The following CHN2 variants were observed in gnomAD, a reference collection of about 807,000 sequenced individuals.
CHN2 encodes the protein chimerin 2.
In CHN2, 35 loss-of-function variants were observed where a neutral mutation model predicts 56.3. The observed-to-expected ratio is 0.62, with a 90% CI of 0.47 to 0.82. The LOEUF is 0.82. Among genes scored for constraint, CHN2 ranks in the 40% least tolerant of loss-of-function variants. The pLI is 0.00. For missense variants in CHN2, 491 were observed against 580.5 expected (o/e 0.85, Z 1.58); for synonymous variants, 210 against 212.8 (o/e 0.99, Z 0.12).
Position 29,367,995 on chromosome 7 carries a change from C to T in CHN2, c.144+8C>T, listed in dbSNP as rs1423038960. 1.2e-6 allele frequency: 2 copies of T among 1,607,788 alleles called. No individual in the cohort carries two copies. The highest frequency in any genetic ancestry group is 3.4e-5 in the Admixed American group (2 of 58,964). Reference sequence around the variant, plus strand: ...ATCATTTGTCCTCGGGAGGTCAGTGCTCAGCTATTTCCAATACACCTTGTT... The same window carrying T: ...ATCATTTGTCCTCGGGAGGTCAGTGTTCAGCTATTTCCAATACACCTTGTT... On this transcript the variant is annotated splice_region_variant and intron_variant, in intron 3 of 12. Transcript: ENST00000222792.
chr7:29,390,525 C>T (rs1295753832), intron 3 of CHN2, among the ~76,000 whole-genome samples: 1 of 152,102 alleles, frequency 6.6e-6, no homozygotes, highest in East Asian at 1.9e-4. Context: ...CATGTGACTG[C>T]CTAAATTTTT....
intron 6 of CHN2, among the ~76,000 whole-genome samples, chr7:29,443,609 T>C (rs556560246): frequency 3.9e-5 from 6 of 152,346 alleles, no homozygotes; most frequent in Non-Finnish European, 8.8e-5. Flanking sequence ...GTGCCTTACA[T>C]GGCAATAAAG....
At chr7:29,498,416 AT>A (rs1379237652) in intron 8 of CHN2, among the ~76,000 whole-genome samples, 1 of 152,208 alleles carries the variant, frequency 6.6e-6, no homozygotes, top group East Asian at 1.9e-4. Flanking sequence ...GCTTTGTTGA[AT>A]TTCTCATGTT....
intron 1 of CHN2, among the ~76,000 whole-genome samples, chr7:29,280,200 A>G (rs1791574763): frequency 1.3e-5 from 2 of 152,076 alleles, no homozygotes; most frequent in Admixed American, 6.5e-5. Context: ...CCTGGCCAAC[A>G]TGGCGAAACC....
intron 6 of CHN2, among the ~76,000 whole-genome samples, chr7:29,476,964 G>A (rs998107805): frequency 2.3e-4 from 35 of 152,056 alleles, no homozygotes; most frequent in Non-Finnish European, 2.2e-4. Flanking sequence ...AGAAGAAGAC[G>A]GTCAGCAAAT....
At chr7:29,320,277 C>T (rs1436230671) in intron 1 of CHN2, among the ~76,000 whole-genome samples, 3 of 152,142 alleles carry the variant, frequency 2.0e-5, no homozygotes, top group African/African-American at 7.2e-5. Context: ...AATTGGGTCC[C>T]AGAGCCACCA....
intron 1 of CHN2, among the ~76,000 whole-genome samples, chr7:29,219,695 C>T (rs1785618807): frequency 6.6e-6 from 1 of 152,018 alleles, no homozygotes; most frequent in Non-Finnish European, 1.5e-5. Flanking sequence ...CATAAATTAA[C>T]TAAAAGCTAT....
In CHN2 at chr7:29,353,398, A is replaced by T. The variant is rs571676958; in HGVS notation, c.50-1227A>T. On this transcript the variant is annotated intron_variant, in intron 1 of 12. Coordinates refer to ENST00000222792, the MANE Select transcript of CHN2 (RefSeq NM_004067.4). The stretch of plus-strand genomic sequence containing the variant: ...GCCAGGCGCAGTGGCTCACGCCTGT[A>T]ATCCTAGCACTTTGGGAGGCCAAGG... Among the ~76,000 whole-genome samples, 3 of 152,378 alleles carry T rather than the reference A, an allele frequency of 2.0e-5. No individual in the cohort carries two copies. The East Asian group carries it at 5.8e-4, about 29-fold the overall frequency.
chr7:29,340,542 A>G (rs28475116), intron 1 of CHN2, among the ~76,000 whole-genome samples: 40,287 of 152,102 alleles, frequency 0.26, 6,334 homozygotes, highest in East Asian at 0.37. Flanking sequence ...TGAGCCCCCA[A>G]ATTAAGCAGG....
chr7:29,263,479 C>T (rs1376009249), intron 1 of CHN2, among the ~76,000 whole-genome samples: 1 of 152,078 alleles, frequency 6.6e-6, no homozygotes, highest in Non-Finnish European at 1.5e-5. Flanking sequence ...GCGTCTCTGC[C>T]TGGCCGCCCA....
intron 1 of CHN2, among the ~76,000 whole-genome samples, chr7:29,309,965 C>T (rs576421644): frequency 2.2e-4 from 34 of 152,312 alleles, no homozygotes; most frequent in African/African-American, 8.2e-4. Flanking sequence ...GGCAGGACTC[C>T]CTGCCTCAAA....
chr7:29,493,746 T>C (rs773688063), intron 7 of CHN2, among the ~76,000 whole-genome samples: 6 of 152,138 alleles, frequency 3.9e-5, no homozygotes, highest in Admixed American at 6.5e-5. Flanking sequence ...CCACTTTCCA[T>C]CTCCACTGCC....
At chr7:29,160,275 A>G (rs1794998130) in intron 2 of CHN2, among the ~76,000 whole-genome samples, 1 of 152,224 alleles carries the variant, frequency 6.6e-6, no homozygotes, top group African/African-American at 2.4e-5. Flanking sequence ...TGAGCAGTAC[A>G]TTCTGGAACC....
chr7:29,170,961 A>G (rs746407486), intron 2 of CHN2, among the ~76,000 whole-genome samples: 11 of 152,270 alleles, frequency 7.2e-5, no homozygotes, highest in Middle Eastern at 3.4e-3. Flanking sequence ...CCATGCTTCA[A>G]TTACCTCCCA....
upstream of CHN2, among the ~76,000 whole-genome samples, chr7:29,191,184 A>G (rs1456727409): frequency 1.3e-5 from 2 of 152,162 alleles, no homozygotes; most frequent in African/African-American, 4.8e-5. Flanking sequence ...CTCCCACCTC[A>G]ACTTACTGAG....
intron 1 of CHN2, among the ~76,000 whole-genome samples, chr7:29,327,958 G>A (rs1795939002): frequency 6.6e-6 from 1 of 152,182 alleles, no homozygotes; most frequent in South Asian, 2.1e-4. Flanking sequence ...CACCTTCAGA[G>A]AAAATAACCT....
At chr7:29,316,206 A>G (rs897693057) in intron 1 of CHN2, among the ~76,000 whole-genome samples, 5 of 152,230 alleles carry the variant, frequency 3.3e-5, no homozygotes, top group Non-Finnish European at 5.9e-5. Context: ...TTCAGCACAT[A>G]AAAACAAATT....
chr7:29,345,467 T>C (rs1336000139), intron 1 of CHN2, among the ~76,000 whole-genome samples: 1 of 151,996 alleles, frequency 6.6e-6, no homozygotes, highest in Admixed American at 6.5e-5. Context: ...TGAGATCCCA[T>C]GATAAGGAAG....
At chr7:29,197,935 A>G (rs1045703649) in intron 1 of CHN2, 17 of 456,188 alleles carry the variant, frequency 3.7e-5, no homozygotes, top group Admixed American at 3.3e-4. Flanking sequence ...AAATGGAGAA[A>G]AAGACATTTC....
Sources: allele counts gnomAD v4.1 joint callset (sites outside exome capture counted in the v4.1 genomes callset), GRCh38; gene constraint gnomAD v4.1.1; transcripts MANE v1.5; gene names NCBI Gene and HGNC (gene_info 2026-07-23, HGNC 2026-07-21).